PLD5: variants seen among roughly 807,000 people sequenced by gnomAD.
PLD5 encodes inactive phospholipase D5.
In PLD5, 36 loss-of-function variants were observed where a neutral mutation model predicts 61.1. The ratio of observed to expected loss-of-function variants is 0.59; its 90% CI spans 0.45 to 0.78. The LOEUF (loss-of-function observed/expected upper bound fraction) is 0.78. Ranked by LOEUF, PLD5 falls within the 30% of genes least tolerant of loss-of-function variation. The probability of loss-of-function intolerance (pLI) is 0.00; values close to 1 mark genes in which losing one functional copy is unlikely to be tolerated. For missense variants in PLD5, 515 were observed against 644.4 expected (o/e 0.80, Z 2.17); for synonymous variants, 243 against 242.8 (o/e 1.00, Z -0.01).
chr1:242,328,717 C>G (rs1254210346), intron 2 of PLD5, among the ~76,000 whole-genome samples: 1 of 152,188 alleles, frequency 6.6e-6, no homozygotes, highest in East Asian at 1.9e-4. Context: ...GAACTACTTT[C>G]TGCCTCTGAG....
chr1:242,440,093 T>C (rs1666202652), intron 1 of PLD5, among the ~76,000 whole-genome samples: 1 of 152,214 alleles, frequency 6.6e-6, no homozygotes, highest in South Asian at 2.1e-4. Context: ...TAAATGGAGC[T>C]CCTGTCCTAA....
intron 5 of PLD5, among the ~76,000 whole-genome samples, chr1:242,204,950 C>A (rs182333669): frequency 6.6e-6 from 1 of 152,076 alleles, no homozygotes; most frequent in African/African-American, 2.4e-5. Context: ...ATGTATAGTG[C>A]GTATGTTACT....
In PLD5 at chr1:242,085,888, G is replaced by A. The variant is rs930345397; in HGVS notation, c.*3966C>T. 7.0e-6 allele frequency: 1 copy of A among 143,444 alleles called. No homozygotes were observed. Among genetic ancestry groups the A allele is most frequent in the South Asian group, 2.2e-4 (1 of 4,524 alleles). The allele number at this position is 143,444 out of a possible 1,614,324, so 8.9% of individuals were successfully genotyped here. On this transcript the variant is annotated 3_prime_UTR_variant, in exon 10 of 10. Coordinates refer to ENST00000536534, the MANE Select transcript of PLD5 (RefSeq NM_001372062.1). Reference sequence around the variant, plus strand: ...GTCATACGTGTGGAAAAAAAAAAAAGTTAATTGTAGGATAGAATTCCTGAG... The same window carrying A: ...GTCATACGTGTGGAAAAAAAAAAAAATTAATTGTAGGATAGAATTCCTGAG...
At chr1:242,187,233 A>G (rs1667964966) in intron 5 of PLD5, among the ~76,000 whole-genome samples, 3 of 152,148 alleles carry the variant, frequency 2.0e-5, no homozygotes, top group Admixed American at 6.5e-5. Flanking sequence ...CTCTTGTATC[A>G]TTATCCTTCT....
At chr1:242,108,596 T>C (rs1156580777) in intron 7 of PLD5, among the ~76,000 whole-genome samples, 5 of 152,164 alleles carry the variant, frequency 3.3e-5, no homozygotes, top group Non-Finnish European at 7.4e-5. Context: ...ACACTGTCAC[T>C]TCCAGCACTG....
chr1:242,458,628 T>A (rs1667016694), intron 1 of PLD5, among the ~76,000 whole-genome samples: 1 of 152,276 alleles, frequency 6.6e-6, no homozygotes, highest in Non-Finnish European at 1.5e-5. Flanking sequence ...ACTATCTATA[T>A]GGAGTCCAAC....
intron 1 of PLD5, among the ~76,000 whole-genome samples, chr1:242,489,641 T>C (rs1668076224): frequency 6.6e-6 from 1 of 152,156 alleles, no homozygotes; most frequent in Admixed American, 6.5e-5. Context: ...GTAAGAAAAA[T>C]GTTACATTAA....
At chr1:242,148,929 G>A (rs1440501856) in intron 5 of PLD5, among the ~76,000 whole-genome samples, 1 of 150,896 alleles carries the variant, frequency 6.6e-6, no homozygotes, top group Non-Finnish European at 1.5e-5. Flanking sequence ...AGATTCTTTG[G>A]GAATTTTTAC....
intron 2 of PLD5, among the ~76,000 whole-genome samples, chr1:242,330,009 A>C (rs1204116049): frequency 6.6e-6 from 1 of 152,176 alleles, no homozygotes; most frequent in African/African-American, 2.4e-5. Flanking sequence ...TTTAAACTGC[A>C]TAAGTTGTAA....
At chr1:242,210,785 C>T (rs763750821) in intron 5 of PLD5, 3 of 152,216 alleles carry the variant, frequency 2.0e-5, no homozygotes, top group Non-Finnish European at 2.9e-5. Context: ...TTTTTGGACT[C>T]AGCCTGCCTG....
intron 2 of PLD5, among the ~76,000 whole-genome samples, chr1:242,330,887 A>G (rs556253935): frequency 7.2e-5 from 11 of 152,318 alleles, no homozygotes; most frequent in African/African-American, 2.2e-4. Context: ...GGAAATATAA[A>G]CAAAGAAAAA....
intron 5 of PLD5, among the ~76,000 whole-genome samples, chr1:242,160,016 A>T (rs77085183): frequency 1.1e-4 from 15 of 142,842 alleles, no homozygotes; most frequent in East Asian, 7.6e-4. Context: ...TTTCCCTTTT[A>T]TTTTTTTTTG....
At chr1:242,406,876 T>C (rs1664259752) in intron 1 of PLD5, among the ~76,000 whole-genome samples, 1 of 152,210 alleles carries the variant, frequency 6.6e-6, no homozygotes, top group African/African-American at 2.4e-5. Flanking sequence ...TAAGAGGACT[T>C]TCAAATTGGA....
intron 3 of PLD5, among the ~76,000 whole-genome samples, chr1:242,279,509 C>G (rs566776640): frequency 6.6e-6 from 1 of 152,094 alleles, no homozygotes; most frequent in South Asian, 2.1e-4. Flanking sequence ...TGGGAGTCTA[C>G]CTGAAAAATA....
chr1:242,194,113 G>A (rs957107739), intron 5 of PLD5, among the ~76,000 whole-genome samples: 26 of 152,246 alleles, frequency 1.7e-4, no homozygotes, highest in South Asian at 1.2e-3. Context: ...CAGGAACAGG[G>A]GGAAACGCAA....
Position 242,363,872 on chromosome 1 carries a change from G to A in PLD5, c.190-15630C>T, listed in dbSNP as rs12079308. 1.0e-2 allele frequency among the ~76,000 whole-genome samples: 1,521 copies of A among 152,158 alleles called. 26 individuals carry two copies. Among genetic ancestry groups the A allele is most frequent in the African/African-American group, 0.034 (1,418 of 41,510 alleles). On this transcript the variant is annotated intron_variant, in intron 1 of 9. Transcript: ENST00000536534. ...TAACAGCAGATTAGACACAACATGC[G>A]AAAAGATTAATGAACTCCAGGAAAA...
At chr1:242,198,367 T>C (rs1668773574) in intron 5 of PLD5, among the ~76,000 whole-genome samples, 1 of 152,168 alleles carries the variant, frequency 6.6e-6, no homozygotes, top group Non-Finnish European at 1.5e-5. Context: ...GCTTTCAAAG[T>C]CCTGAAACTC....
chr1:242,146,313 C>T (rs1664538170), intron 5 of PLD5, among the ~76,000 whole-genome samples: 1 of 152,096 alleles, frequency 6.6e-6, no homozygotes, highest in Admixed American at 6.5e-5. Flanking sequence ...TCCAAATGAC[C>T]TTTTTAATTT....
intron 1 of PLD5, among the ~76,000 whole-genome samples, chr1:242,385,467 C>T (rs150408372): frequency 1.7e-3 from 258 of 152,278 alleles, no homozygotes; most frequent in African/African-American, 5.9e-3. Context: ...TCCACATTCT[C>T]ACCACCTGTT....
Sources: allele counts gnomAD v4.1 joint callset (sites outside exome capture counted in the v4.1 genomes callset), GRCh38; gene constraint gnomAD v4.1.1; transcripts MANE v1.5; gene names NCBI Gene and HGNC (gene_info 2026-07-23, HGNC 2026-07-21).